MAP2K2: variants seen among roughly 807,000 people sequenced by gnomAD.
MAP2K2 encodes the protein mitogen-activated protein kinase kinase 2, also known as dual specificity mitogen-activated protein kinase kinase 2.
Under a neutral mutation model 43.7 loss-of-function variants are expected in MAP2K2, and 24 were observed. The observed-to-expected ratio is 0.55, with a 90% confidence interval of 0.40 to 0.77. The LOEUF is 0.77. MAP2K2 is among the 30% of genes least tolerant of loss of function. MAP2K2 has a pLI of 0.00. For missense variants in MAP2K2, 470 were observed against 566.8 expected (o/e 0.83, Z 1.73); for synonymous variants, 244 against 239.7 (o/e 1.02, Z -0.17).
chr19:4,109,732 T>A (rs1192746054), intron 3 of MAP2K2, among the ~76,000 whole-genome samples: 1 of 152,068 alleles, frequency 6.6e-6, no homozygotes, highest in Non-Finnish European at 1.5e-5. Context: ...CACCTCAGCC[T>A]CCCAAAATGG....
Position 4,123,922 on chromosome 19 carries a change from T to A in MAP2K2, c.-47A>T, listed in dbSNP as rs1057520422. 8.4e-7 allele frequency: 1 copy of A among 1,195,406 alleles called. No individual in the cohort carries two copies. Among genetic ancestry groups the A allele is most frequent in the Non-Finnish European group, 1.1e-6 (1 of 931,838 alleles). The allele number at this position is 1,195,406 out of a possible 1,614,324, so 74.0% of individuals were successfully genotyped here. On this transcript the variant is annotated 5_prime_UTR_variant, in exon 1 of 11. The change abolishes an upstream ATG in the 5' untranslated region. Coordinates refer to ENST00000262948, the MANE Select transcript of MAP2K2 (RefSeq NM_030662.4). ...CGGCGGCGCCTCTAGCCGGGGCCCA[T>A]AGGGGGCGGGCCGGGAGCGGTCGGC...
intron 3 of MAP2K2, among the ~76,000 whole-genome samples, chr19:4,109,249 A>G (rs557202069): frequency 6.6e-6 from 1 of 151,952 alleles, no homozygotes; most frequent in Admixed American, 6.6e-5. Flanking sequence ...TGTTCCACCC[A>G]ATCTCACCCA....
rs1017763260 is a variant in MAP2K2, at chr19:4,101,413, G to A, written c.529-133C>T. Reference sequence around the variant, plus strand: ...GGCAGGAACCATTTCAGGCTGTGAGGAGCTCGCTGGGGTGGAGCAAGCGAG... The same window carrying A: ...GGCAGGAACCATTTCAGGCTGTGAGAAGCTCGCTGGGGTGGAGCAAGCGAG... On this transcript the variant is annotated intron_variant, in intron 4 of 10. Transcript: ENST00000262948. This position sits in a 1 kb window ranked among gnomAD's most constrained non-coding sequence, Gnocchi z 6.3. 3.2e-5 allele frequency: 32 copies of A among 984,908 alleles called. No individual in the cohort carries two copies. Among genetic ancestry groups the A allele is most frequent in the South Asian group, 1.8e-4 (13 of 72,594 alleles). The allele number at this position is 984,908 out of a possible 1,614,324, so 61.0% of individuals were successfully genotyped here.
intron 7 of MAP2K2, 119 bp downstream of exon 7, chr19:4,099,082 C>A (rs1473125869): frequency 2.3e-6 from 2 of 855,080 alleles, no homozygotes; most frequent in Non-Finnish European, 3.7e-6. Flanking sequence ...CAGTCGGCAC[C>A]ATCCAGGGGG....
At position 4,122,562 on chromosome 19, in the gene MAP2K2, C is replaced by T. The variant is rs562304586; in HGVS notation, c.92+1222G>A. 2.9e-5 allele frequency among the ~76,000 whole-genome samples: 4 copies of T among 138,442 alleles called. No individual in the cohort carries two copies. In the South Asian group the frequency reaches 1.0e-3, roughly 35 times the overall value. The allele number at this position is 138,442 out of a possible 152,430, so 90.8% of individuals were successfully genotyped here. ...CCCCACAGGCCCCCACCGACACATCCTCTCCTCCCAGGGACCCCCTCAACC... is the reference window on the plus strand; with the variant it reads ...CCCCACAGGCCCCCACCGACACATCTTCTCCTCCCAGGGACCCCCTCAACC... On this transcript the variant is annotated intron_variant, in intron 1 of 10. Transcript: ENST00000262948.
intron 2 of MAP2K2, among the ~76,000 whole-genome samples, chr19:4,112,126 T>C (rs986662286): frequency 5.3e-5 from 8 of 152,190 alleles, no homozygotes; most frequent in Non-Finnish European, 1.0e-4. Flanking sequence ...CTCCAGCCAC[T>C]GCAATAAGAC....
At chr19:4,102,222 T>C (rs1400899404) in intron 4 of MAP2K2, among the ~76,000 whole-genome samples, 154 bp downstream of exon 4, 1 of 152,168 alleles carries the variant, frequency 6.6e-6, no homozygotes, top group Non-Finnish European at 1.5e-5. Flanking sequence ...TTGTTCAAGC[T>C]CCACAGCAGG....
intron 8 of MAP2K2, among the ~76,000 whole-genome samples, chr19:4,096,060 C>T (rs572011287): frequency 6.6e-6 from 1 of 152,388 alleles, no homozygotes; most frequent in South Asian, 2.1e-4. Flanking sequence ...CACACCTGAG[C>T]CACCGTGCCC....
At chr19:4,100,318 T>C (rs2040985702) in intron 6 of MAP2K2, 1 of 150,670 alleles carries the variant, frequency 6.6e-6, no homozygotes, top group African/African-American at 2.5e-5. Flanking sequence ...TAGCCCCAGC[T>C]GCTTGGAAGG....
intron 6 of MAP2K2, 190 bp from the exon 7 acceptor site, chr19:4,099,604 G>A (rs561807778): frequency 1.3e-5 from 8 of 605,736 alleles, no homozygotes; most frequent in Middle Eastern, 4.3e-4. Context: ...TTGCTGAAGA[G>A]GCTTCCAGCC....
At chr19:4,095,485 G>A (rs945867226) in intron 8 of MAP2K2, 36 bp from the exon 9 acceptor site, 2 of 1,523,862 alleles carry the variant, frequency 1.3e-6, no homozygotes, top group South Asian at 1.2e-5. Flanking sequence ...TCAGCCCTGG[G>A]CATCGTCAGG....
chr19:4,119,798 T>G (rs2041270050), intron 1 of MAP2K2, among the ~76,000 whole-genome samples: 1 of 152,332 alleles, frequency 6.6e-6, no homozygotes, highest in African/African-American at 2.4e-5. Flanking sequence ...AGGAAGGAGC[T>G]AAAGCCAAGG....
At chr19:4,103,593 C>T (rs2041046704) in intron 3 of MAP2K2, 1 of 152,056 alleles carries the variant, frequency 6.6e-6, no homozygotes, top group South Asian at 2.1e-4. Flanking sequence ...TGCTCCAGGA[C>T]TCCTGCAAAA....
chr19:4,098,490 T>A (rs2040952886), intron 7 of MAP2K2, among the ~76,000 whole-genome samples: 1 of 151,974 alleles, frequency 6.6e-6, no homozygotes, highest in Admixed American at 6.6e-5. Context: ...CGCCACCAAC[T>A]CTCCCTGATG....
At chr19:4,096,154 A>G (rs2040914238) in intron 8 of MAP2K2, among the ~76,000 whole-genome samples, 1 of 152,234 alleles carries the variant, frequency 6.6e-6, no homozygotes, top group Non-Finnish European at 1.5e-5. Flanking sequence ...TGGCCGTGTA[A>G]GCGGTGCCAG....
intron 6 of MAP2K2, 107 bp from the exon 7 acceptor site, chr19:4,099,521 C>A (rs1051762390): frequency 1.1e-6 from 1 of 872,642 alleles, no homozygotes; most frequent in Non-Finnish European, 1.8e-6. Context: ...TGGCTAATGA[C>A]CGCAGCAATG....
rs755887476 is a variant in MAP2K2 at position 4,090,624 on chromosome 19, C to T, written c.1177G>A (p.Gly393Ser). 49 of 1,553,024 alleles carry T rather than the reference C, an allele frequency of 3.2e-5. No individual in the cohort carries two copies. The highest frequency in any genetic ancestry group is 4.1e-5 in the Non-Finnish European group (47 of 1,148,524). ...LCKTLRLNQP[G>S]TPTRTAV ...CACACGGCGGTGCGCGTGGGTGTGC[C>T]GGGCTGGTTCAGCCGCAGGGTTTTA... The change falls in exon 11 of 11, where the codon GGC (glycine) becomes AGC (serine). Residue 393 changes from glycine (G) to serine (S), a missense_variant. Physicochemically the swap from Gly to Ser is moderately conservative, Grantham distance 56 (BLOSUM62 0). Coordinates refer to ENST00000262948, the MANE Select transcript of MAP2K2 (RefSeq NM_030662.4).
At chr19:4,110,776 G>A (rs375186438) in intron 2 of MAP2K2, 121 bp from the exon 3 acceptor site, 25 of 1,021,186 alleles carry the variant, frequency 2.4e-5, no homozygotes, top group African/African-American at 1.3e-4. Flanking sequence ...TACCCCCTCC[G>A]CAATTCCACC....
chr19:4,092,450 G>A (rs1447265846), intron 10 of MAP2K2, among the ~76,000 whole-genome samples: 4 of 152,048 alleles, frequency 2.6e-5, no homozygotes, highest in African/African-American at 9.7e-5. Flanking sequence ...TTAGCCGGGT[G>A]TGGTGGCACG....
Sources: gnomAD v4.1 joint callset for allele counts (sites outside exome capture counted in the v4.1 genomes callset) on GRCh38, gnomAD v4.1.1 for gene constraint, Gnocchi (gnomAD v3.1) non-coding constraint, MANE v1.5 for transcripts, NCBI Gene and HGNC (gene_info 2026-07-23, HGNC 2026-07-21) for gene names.